The following GPC6 variants were observed in gnomAD, a reference collection of about 807,000 sequenced individuals.
GPC6 encodes glypican 6.
GPC6 carries 14 observed loss-of-function variants against 55.2 expected under a neutral mutation model. The observed-to-expected ratio is 0.25, with a 90% CI of 0.17 to 0.40. The LOEUF (loss-of-function observed/expected upper bound fraction) is 0.40. Among genes scored for constraint, GPC6 ranks in the 10% least tolerant of loss-of-function variants. The probability of loss-of-function intolerance (pLI) is 1.00; values close to 1 mark genes in which losing one functional copy is unlikely to be tolerated. For synonymous variants in GPC6, 278 were observed against 259.6 expected (o/e 1.07, Z -0.68); for missense variants, 641 against 708.5 (o/e 0.90, Z 1.08).
chr13:94,014,471 C>T (rs1882378066), intron 3 of GPC6, among the ~76,000 whole-genome samples: 1 of 152,092 alleles, frequency 6.6e-6, no homozygotes, highest in Non-Finnish European at 1.5e-5. Flanking sequence ...AGTAGGAATT[C>T]ATTTGTTGGA....
intron 4 of GPC6, among the ~76,000 whole-genome samples, chr13:94,244,955 G>T (rs1891154712): frequency 6.6e-6 from 1 of 151,790 alleles, no homozygotes; most frequent in East Asian, 1.9e-4. Flanking sequence ...TAGTAAAATG[G>T]TTACTATATA....
At chr13:93,511,915 G>GT (rs769852615) in intron 1 of GPC6, among the ~76,000 whole-genome samples, 1 of 151,552 alleles carries the variant, frequency 6.6e-6, no homozygotes, top group Non-Finnish European at 1.5e-5. Flanking sequence ...AGGCTTTGGG[G>GT]TTTTTTTGTT....
intron 1 of GPC6, chr13:93,450,762 TA>T (rs1878194506): frequency 6.7e-6 from 6 of 893,724 alleles, no homozygotes; most frequent in Non-Finnish European, 8.0e-6. Context: ...GATGAACCTT[TA>T]GGAAATAGTT....
At chr13:93,612,987 A>G (rs1411245329) in intron 2 of GPC6, among the ~76,000 whole-genome samples, 1 of 152,136 alleles carries the variant, frequency 6.6e-6, no homozygotes, top group Non-Finnish European at 1.5e-5. Flanking sequence ...TTCATTGCCA[A>G]TGTTTTGCCT....
chr13:93,855,944 G>T (rs1260178554), intron 3 of GPC6, among the ~76,000 whole-genome samples: 1 of 151,578 alleles, frequency 6.6e-6, no homozygotes, highest in African/African-American at 2.4e-5. Context: ...TATTTTATCA[G>T]ATATGCCTAC....
At chr13:93,783,667 T>C (rs1885730394) in intron 2 of GPC6, among the ~76,000 whole-genome samples, 1 of 152,180 alleles carries the variant, frequency 6.6e-6, no homozygotes, top group Admixed American at 6.5e-5. Context: ...CCCATCACTG[T>C]TATTCTCTGA....
chr13:93,492,428 C>T (rs1215439857), intron 1 of GPC6, among the ~76,000 whole-genome samples: 3 of 149,706 alleles, frequency 2.0e-5, no homozygotes, highest in East Asian at 2.0e-4. Context: ...TGGGCTGAGA[C>T]GATGGGGTTT....
chr13:93,640,500 A>T (rs77123666), intron 2 of GPC6, among the ~76,000 whole-genome samples: 1,982 of 152,112 alleles, frequency 0.013, 41 homozygotes, highest in African/African-American at 0.045. Flanking sequence ...TCCTAAGTGC[A>T]TCCTCTTAAC....
intron 3 of GPC6, among the ~76,000 whole-genome samples, chr13:93,877,263 TATAAC>T (rs1012259981): frequency 4.6e-5 from 7 of 152,036 alleles, no homozygotes; most frequent in African/African-American, 1.4e-4. Flanking sequence ...AGTTAACCCT[TATAAC>T]ATGATCTGAT....
Position 93,438,166 on chromosome 13 carries a change from A to C in GPC6, c.161-107097A>C, listed in dbSNP as rs1052121353. Among the ~76,000 whole-genome samples the C allele has an allele frequency of 3.9e-5, 6 of 152,152 alleles. No individual in the cohort carries two copies. In the East Asian group the frequency reaches 1.2e-3, roughly 29 times the overall value. ...AAGTATTACTGCTCATTGACAATGC[A>C]CCTGGTCACCCAAGAGCTCTGATGG... On this transcript the variant is annotated intron_variant, in intron 1 of 8. Coordinates refer to ENST00000377047, the MANE Select transcript of GPC6 (RefSeq NM_005708.5).
At chr13:93,687,484 G>A (rs1477250915) in intron 2 of GPC6, among the ~76,000 whole-genome samples, 2 of 152,078 alleles carry the variant, frequency 1.3e-5, no homozygotes, top group East Asian at 1.9e-4. Flanking sequence ...CTCATTGGCT[G>A]ATATTTGGTG....
intron 1 of GPC6, among the ~76,000 whole-genome samples, chr13:93,300,437 A>G (rs942314994): frequency 3.3e-5 from 5 of 150,414 alleles, no homozygotes; most frequent in African/African-American, 1.2e-4. Flanking sequence ...TCACGAGGTC[A>G]GGAGATTGAG....
At chr13:93,545,568 G>A (rs1874744157) in intron 2 of GPC6, 147 bp downstream of exon 2, 2 of 730,210 alleles carry the variant, frequency 2.7e-6, no homozygotes, top group Non-Finnish European at 4.6e-6. Flanking sequence ...GAAAAAGCAT[G>A]AGTTTTCTTG....
intron 2 of GPC6, among the ~76,000 whole-genome samples, chr13:93,800,011 T>C (rs576372597): frequency 7.5e-6 from 1 of 133,328 alleles, no homozygotes; most frequent in East Asian, 2.1e-4. Flanking sequence ...TCATGGAGCT[T>C]ACATTTCTGA....
intron 3 of GPC6, among the ~76,000 whole-genome samples, chr13:93,849,978 T>C (rs1888338211): frequency 6.6e-6 from 1 of 152,090 alleles, no homozygotes; most frequent in Admixed American, 6.6e-5. Context: ...AATTAAGCTG[T>C]TCTGACTTCT....
rs927485995 is a variant in GPC6, at chr13:94,010,022, G to A, written c.712-17707G>A. On this transcript the variant is annotated intron_variant, in intron 3 of 8. Transcript: ENST00000377047. ...CTCGATTCATTTTCCCTGTAGCACA[G>A]TAAACAGACAGCATTTGAATCATTT... 2.0e-5 allele frequency among the ~76,000 whole-genome samples: 3 copies of A among 152,134 alleles called. No individual in the cohort carries two copies. The South Asian group carries it at 6.2e-4, about 32-fold the overall frequency.
intron 2 of GPC6, among the ~76,000 whole-genome samples, chr13:93,693,150 A>G (rs1882317943): frequency 6.6e-6 from 1 of 152,162 alleles, no homozygotes; most frequent in Non-Finnish European, 1.5e-5. Context: ...GGGCTAATCA[A>G]TAGTGACTAG....
intron 2 of GPC6, among the ~76,000 whole-genome samples, chr13:93,628,353 G>A (rs572781218): frequency 2.0e-5 from 3 of 152,292 alleles, no homozygotes; most frequent in African/African-American, 7.2e-5. Context: ...TTGTAATGCA[G>A]GCACAACTAA....
rs1877490636 is a variant in GPC6, at chr13:93,434,490, T to C, written c.161-110773T>C. On this transcript the variant is annotated intron_variant, in intron 1 of 8. Transcript: ENST00000377047. ...TGTTGAGCCCAGACAGAAAAGACAATCCTTTAGTTATAATAAGGGTAAACA... is the reference window on the plus strand; with the variant it reads ...TGTTGAGCCCAGACAGAAAAGACAACCCTTTAGTTATAATAAGGGTAAACA... Among the ~76,000 whole-genome samples the C allele has an allele frequency of 2.0e-5, 3 of 152,068 alleles. No homozygotes were observed. The South Asian group carries it at 6.2e-4, about 32-fold the overall frequency.
Sources: allele counts gnomAD v4.1 joint callset (sites outside exome capture counted in the v4.1 genomes callset), GRCh38; gene constraint gnomAD v4.1.1; transcripts MANE v1.5; gene names NCBI Gene and HGNC (gene_info 2026-07-23, HGNC 2026-07-21).